The following TMTC2 variants were observed in gnomAD, a reference collection of about 807,000 sequenced individuals.
TMTC2 encodes transmembrane O-mannosyltransferase targeting cadherins 2.
Under a neutral mutation model 82.4 loss-of-function variants are expected in TMTC2, and 43 were observed. The observed-to-expected ratio is 0.52, with a 90% CI of 0.41 to 0.67. The LOEUF is 0.67. Ranked by LOEUF, TMTC2 falls within the 30% of genes least tolerant of loss-of-function variation. The pLI, the probability that TMTC2 is intolerant of heterozygous loss-of-function variation, is 0.00. For synonymous variants in TMTC2, 408 were observed against 381.9 expected, an observed-to-expected ratio of 1.07 and a Z score of -0.80; for missense variants, 919 against 1,012.4, an observed-to-expected ratio of 0.91 and a Z score of 1.25.
At chr12:82,712,731 A>G (rs1873691247) in intron 1 of TMTC2, among the ~76,000 whole-genome samples, 1 of 152,214 alleles carries the variant, frequency 6.6e-6, no homozygotes, top group South Asian at 2.1e-4. Context: ...ACACTGAGGT[A>G]GGCAGAAATC....
chr12:83,073,998 G>A (rs1230067827), intron 11 of TMTC2, among the ~76,000 whole-genome samples: 1 of 151,952 alleles, frequency 6.6e-6, no homozygotes, highest in Non-Finnish European at 1.5e-5. Flanking sequence ...ATTTCTTCTT[G>A]GTTTGGATCC....
chr12:82,692,098 T>G (rs1565710158), intron 1 of TMTC2, among the ~76,000 whole-genome samples: 1 of 152,234 alleles, frequency 6.6e-6, no homozygotes, highest in Non-Finnish European at 1.5e-5. Context: ...TTACCTCCAT[T>G]GAGCCTGTCA....
chr12:82,721,637 A>G (rs980385945), intron 1 of TMTC2, among the ~76,000 whole-genome samples: 2 of 152,206 alleles, frequency 1.3e-5, no homozygotes, highest in African/African-American at 4.8e-5. Context: ...TGACTAATTT[A>G]GCAAACTCCT....
intron 1 of TMTC2, among the ~76,000 whole-genome samples, chr12:82,805,103 A>G (rs1395612963): frequency 6.6e-6 from 1 of 152,114 alleles, no homozygotes; most frequent in African/African-American, 2.4e-5. Context: ...CACATTCTGT[A>G]TTTGTCCCTA....
At chr12:82,945,975 AAAT>A (rs2137270160) in intron 4 of TMTC2, among the ~76,000 whole-genome samples, 1 of 152,298 alleles carries the variant, frequency 6.6e-6, no homozygotes, top group South Asian at 2.1e-4. Flanking sequence ...TATTTCTACT[AAAT>A]AATACATTAT....
At chr12:82,926,742 TG>T (rs1438268006) in intron 3 of TMTC2, among the ~76,000 whole-genome samples, 1 of 152,168 alleles carries the variant, frequency 6.6e-6, no homozygotes, top group African/African-American at 2.4e-5. Flanking sequence ...TAGAAGCCAT[TG>T]GTCAATTAAC....
At chr12:82,979,444 CAAG>C (rs1217567748) in intron 7 of TMTC2, among the ~76,000 whole-genome samples, 1 of 151,584 alleles carries the variant, frequency 6.6e-6, no homozygotes, top group African/African-American at 2.4e-5. Flanking sequence ...GATTAATAAA[CAAG>C]AAAATAGAAA....
intron 2 of TMTC2, among the ~76,000 whole-genome samples, chr12:82,873,213 TTGTGTGTG>T (rs35177760): frequency 8.2e-4 from 118 of 143,532 alleles, no homozygotes; most frequent in Non-Finnish European, 1.5e-3. Flanking sequence ...TTCAAAGATG[TTGTGTGTG>T]TGTGTGTGTG....
At chr12:83,105,861 G>A (rs561100026) in intron 11 of TMTC2, among the ~76,000 whole-genome samples, 2 of 151,996 alleles carry the variant, frequency 1.3e-5, no homozygotes, top group South Asian at 2.1e-4. Context: ...AAGAAAACAC[G>A]GACATCACAA....
intron 3 of TMTC2, among the ~76,000 whole-genome samples, chr12:82,924,094 A>G (rs1592630908): frequency 6.6e-6 from 1 of 152,206 alleles, no homozygotes; most frequent in African/African-American, 2.4e-5. Flanking sequence ...ATTTGAGGAT[A>G]ATGAAATCCT....
At chr12:82,864,820 TA>T (rs1315669406) in intron 2 of TMTC2, among the ~76,000 whole-genome samples, 1 of 151,760 alleles carries the variant, frequency 6.6e-6, no homozygotes, top group Admixed American at 6.6e-5. Flanking sequence ...TATCATTAAA[TA>T]AAAAACGTTT....
intron 2 of TMTC2, among the ~76,000 whole-genome samples, chr12:82,875,194 A>G (rs1872422653): frequency 6.6e-6 from 1 of 152,202 alleles, no homozygotes; most frequent in Non-Finnish European, 1.5e-5. Context: ...AGGCTCTCCA[A>G]AGAGATTATG....
chr12:82,792,688 CTCG>C (rs1334421262), intron 1 of TMTC2, among the ~76,000 whole-genome samples: 2 of 151,934 alleles, frequency 1.3e-5, no homozygotes, highest in East Asian at 3.9e-4. Context: ...GTTGCCTCTG[CTCG>C]TCTTGAATGC....
chr12:82,945,251 A>G (rs1184432482), intron 4 of TMTC2, among the ~76,000 whole-genome samples: 1 of 152,238 alleles, frequency 6.6e-6, no homozygotes, highest in African/African-American at 2.4e-5. Flanking sequence ...GTTTTCTCTT[A>G]CAAACGTAGC....
At chr12:83,126,553 A>C (rs1018396062) in intron 11 of TMTC2, among the ~76,000 whole-genome samples, 2 of 152,140 alleles carry the variant, frequency 1.3e-5, no homozygotes, top group Non-Finnish European at 2.9e-5. Context: ...AATCCAGAAA[A>C]AGATGATAAG....
intron 8 of TMTC2, among the ~76,000 whole-genome samples, chr12:83,029,214 G>A (rs1881316381): frequency 6.6e-6 from 1 of 152,178 alleles, no homozygotes; most frequent in African/African-American, 2.4e-5. Context: ...TGTAGCACAA[G>A]TTGTCCAACC....
At chr12:82,724,487 T>C (rs1435358269) in intron 1 of TMTC2, among the ~76,000 whole-genome samples, 2 of 152,152 alleles carry the variant, frequency 1.3e-5, no homozygotes, top group Non-Finnish European at 2.9e-5. Context: ...GGTTTAAAAG[T>C]GGCAGTTCCC....
At chr12:83,104,839 A>G (rs1884342787) in intron 11 of TMTC2, among the ~76,000 whole-genome samples, 2 of 152,208 alleles carry the variant, frequency 1.3e-5, no homozygotes, top group African/African-American at 2.4e-5. Context: ...TTTCTCTGCC[A>G]CATGGCCAGA....
At chr12:82,911,706 A>T (rs901316710) in intron 3 of TMTC2, among the ~76,000 whole-genome samples, 1 of 151,866 alleles carries the variant, frequency 6.6e-6, no homozygotes, top group Non-Finnish European at 1.5e-5. Context: ...GGTGCAAGTG[A>T]TTCGTGTGCC....
Sources: allele counts gnomAD v4.1 joint callset (sites outside exome capture counted in the v4.1 genomes callset), GRCh38; gene constraint gnomAD v4.1.1; transcripts MANE v1.5; gene names NCBI Gene and HGNC (gene_info 2026-07-23, HGNC 2026-07-21).